The following AGBL4 variants were observed in gnomAD, a reference collection of about 807,000 sequenced individuals.
The protein encoded by AGBL4 is cytosolic carboxypeptidase 6.
In AGBL4, 58 loss-of-function variants were observed where a neutral mutation model predicts 66.4. The observed-to-expected ratio is 0.87, with a 90% CI of 0.71 to 1.09. The LOEUF (loss-of-function observed/expected upper bound fraction) is 1.09, where lower values mean the gene tolerates loss of function less well. Ranked by LOEUF, AGBL4 falls within the 50% of genes least tolerant of loss-of-function variation. The pLI is 0.00. For synonymous variants in AGBL4, 234 were observed against 222.9 expected, an observed-to-expected ratio of 1.05 and a Z score of -0.44; for missense variants, 579 against 631.0, an observed-to-expected ratio of 0.92 and a Z score of 0.88.
intron 4 of AGBL4, among the ~76,000 whole-genome samples, chr1:49,079,508 T>C (rs1041720395): frequency 6.6e-6 from 1 of 152,120 alleles, no homozygotes; most frequent in Non-Finnish European, 1.5e-5. Flanking sequence ...CTCACTATCA[T>C]GAGAACAGCA....
chr1:48,917,592 G>C (rs1349575011), intron 5 of AGBL4, among the ~76,000 whole-genome samples: 1 of 152,188 alleles, frequency 6.6e-6, no homozygotes, highest in African/African-American at 2.4e-5. Context: ...AAAACTGGCA[G>C]GTCAAGAAAG....
intron 3 of AGBL4, among the ~76,000 whole-genome samples, chr1:49,315,296 A>G (rs1645019909): frequency 6.6e-6 from 1 of 152,192 alleles, no homozygotes; most frequent in Non-Finnish European, 1.5e-5. Flanking sequence ...AAACCCTAGA[A>G]GAAAACCTAG....
chr1:49,443,966 C>T (rs902568356), intron 3 of AGBL4, among the ~76,000 whole-genome samples: 4 of 151,702 alleles, frequency 2.6e-5, no homozygotes, highest in Admixed American at 6.6e-5. Flanking sequence ...TATTGTGCTT[C>T]CATTTTCATT....
chr1:49,129,687 C>A (rs564925409), intron 4 of AGBL4, among the ~76,000 whole-genome samples: 4 of 152,182 alleles, frequency 2.6e-5, no homozygotes, highest in Admixed American at 2.0e-4. Flanking sequence ...TGTATATGTG[C>A]CAGATTTTCT....
chr1:49,335,589 C>G (rs1479496967), intron 3 of AGBL4, among the ~76,000 whole-genome samples: 1 of 151,800 alleles, frequency 6.6e-6, no homozygotes. Context: ...AATCTTGGCT[C>G]ACTGCAAGCT....
At chr1:50,016,963 T>G (rs547818341) in intron 1 of AGBL4, 1 of 152,208 alleles carries the variant, frequency 6.6e-6, no homozygotes, top group Admixed American at 6.5e-5. Context: ...TCTAAATTGT[T>G]CTACCATAAA....
At chr1:49,564,612 T>C (rs1389732858) in intron 3 of AGBL4, among the ~76,000 whole-genome samples, 6 of 152,084 alleles carry the variant, frequency 3.9e-5, no homozygotes, top group East Asian at 1.9e-4. Flanking sequence ...TGTAGTTGAG[T>C]GGTTTTGAGT....
intron 3 of AGBL4, among the ~76,000 whole-genome samples, chr1:49,384,946 C>T (rs1644705700): frequency 6.6e-6 from 1 of 152,158 alleles, no homozygotes; most frequent in South Asian, 2.1e-4. Flanking sequence ...GCAACATGCA[C>T]AAGCAAACTA....
intron 3 of AGBL4, among the ~76,000 whole-genome samples, chr1:49,530,117 A>G (rs1338605802): frequency 1.3e-5 from 2 of 151,630 alleles, no homozygotes; most frequent in Non-Finnish European, 2.9e-5. Flanking sequence ...TTTCTAAGAG[A>G]CTTGACTTCA....
At position 49,672,145 on chromosome 1, in the gene AGBL4, T is replaced by G. The variant is rs549467452; in HGVS notation, c.282+25168A>C. On this transcript the variant is annotated intron_variant, in intron 3 of 13. Transcript: ENST00000371839. ...GTGGTACATATATACCATGGAATAT[T>G]ATGCAGCCACAAAAAAGAATAAGAT... Among the ~76,000 whole-genome samples the G allele has an allele frequency of 8.5e-5, 13 of 152,292 alleles. No individual in the cohort carries two copies. The Middle Eastern group carries it at 0.01, about 120-fold the overall frequency.
chr1:49,965,497 A>G (rs932847503), intron 1 of AGBL4, among the ~76,000 whole-genome samples: 1 of 152,162 alleles, frequency 6.6e-6, no homozygotes, highest in South Asian at 2.1e-4. Context: ...CCCCAAATAC[A>G]TTTAATTGGA....
intron 4 of AGBL4, among the ~76,000 whole-genome samples, chr1:49,136,386 G>A (rs1646011698): frequency 1.3e-5 from 2 of 152,278 alleles, no homozygotes; most frequent in Non-Finnish European, 2.9e-5. Context: ...TTTGCCTAAA[G>A]CTGAATTCAA....
At chr1:48,639,094 G>A (rs79058482) in intron 8 of AGBL4, among the ~76,000 whole-genome samples, 2,051 of 152,250 alleles carry the variant, frequency 0.013, 52 homozygotes, top group African/African-American at 0.048. Flanking sequence ...AATTGTTAGA[G>A]GTCAGAGATC....
intron 3 of AGBL4, among the ~76,000 whole-genome samples, chr1:49,373,111 A>C (rs528011500): frequency 6.6e-6 from 1 of 152,282 alleles, no homozygotes; most frequent in Non-Finnish European, 1.5e-5. Flanking sequence ...ATACACTAAG[A>C]ATTAACTACT....
At position 48,935,976 on chromosome 1, in the gene AGBL4, A is replaced by G. The variant is rs1224681303; in HGVS notation, c.595-68746T>C. Among the ~76,000 whole-genome samples, 24 of 134,282 alleles carry G rather than the reference A, an allele frequency of 1.8e-4. 1 individual carries two copies. The highest frequency in any genetic ancestry group is 2.6e-4 in the Non-Finnish European group (16 of 61,968). 88.1% of individuals were successfully genotyped at this position (134,282 alleles called of 152,430 possible). On this transcript the variant is annotated intron_variant, in intron 5 of 13. Transcript: ENST00000371839. ...TCTGTCTGAAAAAAAAAAAAAAAAAAAAAAAAAAAAAAAAAAAAAGATACA... is the reference window on the plus strand; with the variant it reads ...TCTGTCTGAAAAAAAAAAAAAAAAAGAAAAAAAAAAAAAAAAAAAGATACA...
At chr1:49,710,181 G>A (rs936081609) in intron 2 of AGBL4, among the ~76,000 whole-genome samples, 1 of 152,070 alleles carries the variant, frequency 6.6e-6, no homozygotes, top group Non-Finnish European at 1.5e-5. Flanking sequence ...CAAAGACTTG[G>A]AACCAACCCA....
At chr1:48,875,247 A>G (rs1246044338) in intron 5 of AGBL4, among the ~76,000 whole-genome samples, 2 of 152,144 alleles carry the variant, frequency 1.3e-5, no homozygotes, top group East Asian at 3.9e-4. Flanking sequence ...GTATCCCTCA[A>G]GCTTTACCTT....
intron 4 of AGBL4, among the ~76,000 whole-genome samples, chr1:49,086,120 C>A (rs552326235): frequency 6.6e-6 from 1 of 152,200 alleles, no homozygotes; most frequent in Non-Finnish European, 1.5e-5. Flanking sequence ...CCACCCCCTA[C>A]CCCAACCACT....
intron 6 of AGBL4, among the ~76,000 whole-genome samples, chr1:48,687,101 G>A (rs1237449574): frequency 6.6e-6 from 1 of 152,170 alleles, no homozygotes; most frequent in Non-Finnish European, 1.5e-5. Context: ...GGACAGACAG[G>A]CAGGGAGACA....
Sources: gnomAD v4.1 joint callset for allele counts (sites outside exome capture counted in the v4.1 genomes callset) on GRCh38, gnomAD v4.1.1 for gene constraint, MANE v1.5 for transcripts, NCBI Gene and HGNC (gene_info 2026-07-23, HGNC 2026-07-21) for gene names.